GALNT17: variants seen among roughly 807,000 people sequenced by gnomAD.
GALNT17 encodes UDP-GalNAc:polypeptide N-acetylgalactosaminyltransferase-like 3.
Under a neutral mutation model 63.7 loss-of-function variants are expected in GALNT17, and 29 were observed. The observed-to-expected ratio is 0.46, with a 90% CI of 0.34 to 0.62. GALNT17 has a LOEUF of 0.62. Among genes scored for constraint, GALNT17 ranks in the 20% least tolerant of loss-of-function variants. The pLI is 0.01. For missense variants in GALNT17, 603 were observed against 799.6 expected (o/e 0.75, Z 2.97); for synonymous variants, 305 against 318.3 (o/e 0.96, Z 0.45).
chr7:71,530,535 A>G (rs1382327632), intron 5 of GALNT17, among the ~76,000 whole-genome samples: 1 of 142,758 alleles, frequency 7.0e-6, no homozygotes, highest in East Asian at 2.2e-4. Flanking sequence ...GAGAGGTACA[A>G]GAATTTATTT....
At chr7:71,637,740 T>C (rs1009710593) in intron 6 of GALNT17, among the ~76,000 whole-genome samples, 2 of 152,112 alleles carry the variant, frequency 1.3e-5, no homozygotes, top group Admixed American at 6.5e-5. Flanking sequence ...TCCTGTACGC[T>C]GTCGCTGTGC....
chr7:71,452,904 TC>T (rs1343405630), intron 5 of GALNT17, among the ~76,000 whole-genome samples: 2 of 152,186 alleles, frequency 1.3e-5, no homozygotes, highest in African/African-American at 4.8e-5. Flanking sequence ...GGTTGCTTTT[TC>T]TCAATTTTTC....
At chr7:71,449,108 CTTTTTT>C (rs59368494) in intron 5 of GALNT17, among the ~76,000 whole-genome samples, 71 of 72,752 alleles carry the variant, frequency 9.8e-4, no homozygotes, top group African/African-American at 2.8e-3. Context: ...TGCCTATTTT[CTTTTTT>C]TTTTTTTTTT....
Position 71,421,476 on chromosome 7 carries a change from T to C in GALNT17, c.962+371T>C, listed in dbSNP as rs542971262. On this transcript the variant is annotated intron_variant, in intron 5 of 10. Transcript: ENST00000333538. Reference sequence around the variant, plus strand: ...TACTTGAAGCCTTGTACTGTTGTCATGTTTGCACTCTTTTTCATGATACAA... The same window carrying C: ...TACTTGAAGCCTTGTACTGTTGTCACGTTTGCACTCTTTTTCATGATACAA... Among the ~76,000 whole-genome samples the C allele has an allele frequency of 8.5e-5, 13 of 152,332 alleles. No homozygotes were observed. The South Asian group carries it at 2.5e-3, about 29-fold the overall frequency.
intron 1 of GALNT17, among the ~76,000 whole-genome samples, chr7:71,135,236 A>G (rs1317634769): frequency 6.6e-6 from 1 of 152,170 alleles, no homozygotes; most frequent in African/African-American, 2.4e-5. Flanking sequence ...TTCTATAATA[A>G]TAACTGATGG....
At chr7:71,264,108 C>T (rs886651379) in intron 1 of GALNT17, among the ~76,000 whole-genome samples, 1 of 152,122 alleles carries the variant, frequency 6.6e-6, no homozygotes, top group Non-Finnish European at 1.5e-5. Flanking sequence ...CTCCTATTAG[C>T]TTTTTGAACA....
chr7:71,185,043 T>TC (rs201731346), intron 1 of GALNT17, among the ~76,000 whole-genome samples: 3,210 of 100,312 alleles, frequency 0.032, 262 homozygotes, highest in African/African-American at 0.19. Flanking sequence ...CTTCTCTTCC[T>TC]CCCCCTCCTC....
At chr7:71,240,674 TCC>T (rs778588204) in intron 1 of GALNT17, among the ~76,000 whole-genome samples, 14,422 of 134,724 alleles carry the variant, frequency 0.11, 1,310 homozygotes, top group East Asian at 0.28. Flanking sequence ...TTTCTTTTTT[TCC>T]TTTTTTTTGA....
chr7:71,630,909 T>G (rs1248477477), intron 6 of GALNT17, among the ~76,000 whole-genome samples: 1 of 152,228 alleles, frequency 6.6e-6, no homozygotes, highest in Admixed American at 6.5e-5. Flanking sequence ...GAATAGTATG[T>G]GTTGATGCTG....
chr7:71,432,822 G>C (rs1786891743), intron 5 of GALNT17, among the ~76,000 whole-genome samples: 1 of 152,070 alleles, frequency 6.6e-6, no homozygotes, highest in Non-Finnish European at 1.5e-5. Flanking sequence ...TGTTGTTGTT[G>C]TTGTCCAGAC....
At chr7:71,554,316 A>C (rs967128188) in intron 5 of GALNT17, among the ~76,000 whole-genome samples, 2 of 152,152 alleles carry the variant, frequency 1.3e-5, no homozygotes, top group Non-Finnish European at 2.9e-5. Flanking sequence ...TATGAAGGGC[A>C]GTTTCCCTGC....
intron 5 of GALNT17, among the ~76,000 whole-genome samples, chr7:71,474,572 C>T (rs899841206): frequency 2.0e-5 from 3 of 152,106 alleles, no homozygotes; most frequent in African/African-American, 7.2e-5. Context: ...TTTTATTCAA[C>T]TTATTAATTC....
intron 1 of GALNT17, among the ~76,000 whole-genome samples, chr7:71,259,756 C>G (rs1298406414): frequency 2.0e-5 from 3 of 151,598 alleles, no homozygotes; most frequent in Admixed American, 2.0e-4. Flanking sequence ...ATTCTCCTTC[C>G]TCAGCCTCCT....
chr7:71,384,022 C>T (rs1255302692), intron 2 of GALNT17, among the ~76,000 whole-genome samples: 1 of 152,158 alleles, frequency 6.6e-6, no homozygotes, highest in African/African-American at 2.4e-5. Context: ...ATACTATTTT[C>T]CACAGCGGCC....
intron 1 of GALNT17, among the ~76,000 whole-genome samples, chr7:71,282,551 CA>C (rs1184288052): frequency 6.6e-6 from 1 of 152,174 alleles, no homozygotes; most frequent in East Asian, 1.9e-4. Context: ...CCTGTTTAGA[CA>C]ACCAGTGTGT....
chr7:71,508,023 C>T (rs11769595), intron 5 of GALNT17, among the ~76,000 whole-genome samples: 78,843 of 151,960 alleles, frequency 0.52, 22,195 homozygotes, highest in Non-Finnish European at 0.65. Context: ...CAGTCCACCC[C>T]GAAGAAATTA....
At chr7:71,372,018 T>C (rs1792632900) in intron 2 of GALNT17, among the ~76,000 whole-genome samples, 1 of 152,230 alleles carries the variant, frequency 6.6e-6, no homozygotes, top group Admixed American at 6.5e-5. Context: ...TCTCACTCTG[T>C]CACCCAGGCT....
chr7:71,354,094 G>T (rs1300758826), intron 2 of GALNT17, among the ~76,000 whole-genome samples: 1 of 152,142 alleles, frequency 6.6e-6, no homozygotes, highest in Non-Finnish European at 1.5e-5. Context: ...GGGGAATGGT[G>T]TTAAACCGTA....
chr7:71,489,839 A>G (rs569392033), intron 5 of GALNT17, among the ~76,000 whole-genome samples: 1 of 152,336 alleles, frequency 6.6e-6, no homozygotes, highest in Admixed American at 6.5e-5. Context: ...AATCTCCTGT[A>G]TGGCTGGGGG....
Sources: gnomAD v4.1 joint callset for allele counts (sites outside exome capture counted in the v4.1 genomes callset) on GRCh38, gnomAD v4.1.1 for gene constraint, MANE v1.5 for transcripts, NCBI Gene and HGNC (gene_info 2026-07-23, HGNC 2026-07-21) for gene names.